TMEM232: variants seen among roughly 807,000 people sequenced by gnomAD.
The protein encoded by TMEM232 is transmembrane protein 232.
TMEM232 carries 80 observed loss-of-function variants against 78.8 expected under a neutral mutation model. The ratio of observed to expected loss-of-function variants is 1.01; its 90% CI spans 0.85 to 1.22. The LOEUF (loss-of-function observed/expected upper bound fraction) is 1.22, where lower values mean the gene tolerates loss of function less well. Among genes scored for constraint, TMEM232 ranks in the 50% most tolerant of loss-of-function variants. The probability of loss-of-function intolerance (pLI) is 0.00; values close to 1 mark genes in which losing one functional copy is unlikely to be tolerated. For missense variants in TMEM232, 881 were observed against 742.2 expected (o/e 1.19, Z -2.17); for synonymous variants, 297 against 254.3 (o/e 1.17, Z -1.60).
At chr5:110,499,636 C>CA (rs1491095123) in intron 12 of TMEM232, among the ~76,000 whole-genome samples, 1 of 126,762 alleles carries the variant, frequency 7.9e-6, no homozygotes. Context: ...CACCCCCCCC[C>CA]ACACACACAC....
chr5:110,641,216 A>G (rs555968188), intron 3 of TMEM232, among the ~76,000 whole-genome samples: 1 of 152,310 alleles, frequency 6.6e-6, no homozygotes, highest in South Asian at 2.1e-4. Flanking sequence ...TGATATTACA[A>G]GTAATATCAT....
intron 12 of TMEM232, among the ~76,000 whole-genome samples, chr5:110,490,482 C>G (rs1046613704): frequency 1.3e-5 from 2 of 152,094 alleles, no homozygotes; most frequent in Admixed American, 1.3e-4. Flanking sequence ...AAAACACAAG[C>G]CTTCCATTTT....
At chr5:110,644,839 G>T (rs758940894) in intron 2 of TMEM232, among the ~76,000 whole-genome samples, 1 of 150,914 alleles carries the variant, frequency 6.6e-6, no homozygotes, top group Non-Finnish European at 1.5e-5. Flanking sequence ...AAACAAAATT[G>T]AAAAACCATT....
chr5:110,398,414 C>T (rs981929229), intron 2 of TMEM232, among the ~76,000 whole-genome samples: 3 of 152,094 alleles, frequency 2.0e-5, no homozygotes, highest in African/African-American at 4.8e-5. Flanking sequence ...TTAAGTATCG[C>T]GTGCAGGTTC....
chr5:110,534,135 A>C (rs1771963305), intron 11 of TMEM232, among the ~76,000 whole-genome samples: 1 of 152,200 alleles, frequency 6.6e-6, no homozygotes, highest in African/African-American at 2.4e-5. Flanking sequence ...AGATAAGTAG[A>C]GGCCTTTCCC....
intron 2 of TMEM232, among the ~76,000 whole-genome samples, chr5:110,660,647 A>C (rs987768951): frequency 2.6e-5 from 4 of 152,192 alleles, no homozygotes; most frequent in African/African-American, 9.6e-5. Context: ...CTTTTTAAAA[A>C]ACAAGCATGC....
chr5:110,528,422 A>C (rs1180519092), intron 12 of TMEM232, among the ~76,000 whole-genome samples, 166 bp downstream of exon 12: 2 of 152,004 alleles, frequency 1.3e-5, no homozygotes, highest in Non-Finnish European at 2.9e-5. Context: ...GTTTCTGAGA[A>C]GGGAGGAACT....
chr5:110,432,741 C>A (rs972873802), intron 12 of TMEM232, among the ~76,000 whole-genome samples: 10 of 151,482 alleles, frequency 6.6e-5, no homozygotes, highest in Non-Finnish European at 1.2e-4. Flanking sequence ...AGAGACAAAC[C>A]CACCTCACAC....
chr5:110,603,053 A>T (rs139640694), intron 10 of TMEM232, among the ~76,000 whole-genome samples: 1 of 152,014 alleles, frequency 6.6e-6, no homozygotes, highest in Admixed American at 6.6e-5. Context: ...AGAAAACCAA[A>T]CATTGCATGT....
intron 12 of TMEM232, among the ~76,000 whole-genome samples, chr5:110,458,208 A>AC (rs1275022589): frequency 2.0e-5 from 3 of 149,112 alleles, no homozygotes; most frequent in Non-Finnish European, 4.5e-5. Flanking sequence ...TCTCTTCTCT[A>AC]CCCCTCACTT....
intron 1 of TMEM232, among the ~76,000 whole-genome samples, chr5:110,737,323 T>G (rs1799281412): frequency 6.6e-6 from 1 of 152,194 alleles, no homozygotes; most frequent in Non-Finnish European, 1.5e-5. Context: ...CTTATTTTTT[T>G]CCTATTATGA....
At chr5:110,430,699 A>G (rs1037223911) in intron 12 of TMEM232, among the ~76,000 whole-genome samples, 1 of 151,782 alleles carries the variant, frequency 6.6e-6, no homozygotes, top group Non-Finnish European at 1.5e-5. Flanking sequence ...CTAATTTATT[A>G]TAAACATTTG....
chr5:110,629,167 A>C lies in TMEM232; in HGVS notation c.502-1287T>G, dbSNP rs559781757. On this transcript the variant is annotated intron_variant, in intron 5 of 13. Transcript: ENST00000455884. ...ATTAAAGGAAACTACTCTCATAGAT[A>C]TAGACAATGAGTGAATAACTAATCA... 7.9e-5 allele frequency among the ~76,000 whole-genome samples: 12 copies of C among 152,220 alleles called. No individual in the cohort carries two copies. The South Asian group carries it at 1.2e-3, about 16-fold the overall frequency.
At chr5:110,728,530 C>G (rs976692440), upstream of TMEM232, among the ~76,000 whole-genome samples, 1 of 151,370 alleles carries the variant, frequency 6.6e-6, no homozygotes, top group Non-Finnish European at 1.5e-5. Context: ...ACCTTAGAGT[C>G]ACAATAATAT....
intron 1 of TMEM232, among the ~76,000 whole-genome samples, chr5:110,697,968 C>T (rs1436521106): frequency 6.6e-6 from 1 of 152,118 alleles, no homozygotes; most frequent in Non-Finnish European, 1.5e-5. Flanking sequence ...AATCATGCTG[C>T]TATAAAGACA....
intron 1 of TMEM232, among the ~76,000 whole-genome samples, chr5:110,675,134 C>G (rs1791863231): frequency 2.0e-5 from 3 of 152,130 alleles, no homozygotes; most frequent in Admixed American, 2.0e-4. Flanking sequence ...CAACCTCCAC[C>G]TCACAGGGTC....
At chr5:110,571,205 A>G (rs143351424) in intron 10 of TMEM232, among the ~76,000 whole-genome samples, 1 of 152,064 alleles carries the variant, frequency 6.6e-6, no homozygotes, top group Non-Finnish European at 1.5e-5. Context: ...AGAAGAGAGA[A>G]TATCTTTTAT....
chr5:110,525,731 T>A (rs149666866), intron 12 of TMEM232, among the ~76,000 whole-genome samples: 2 of 151,538 alleles, frequency 1.3e-5, no homozygotes, highest in South Asian at 2.1e-4. Flanking sequence ...TAGGAAAACA[T>A]TGAAAAGCAC....
intron 3 of TMEM232, among the ~76,000 whole-genome samples, chr5:110,395,574 A>G (rs1007692725): frequency 6.6e-6 from 1 of 152,190 alleles, no homozygotes; most frequent in Non-Finnish European, 1.5e-5. Context: ...TGGGTCCAAG[A>G]AAACTTACAA....
Sources: allele counts gnomAD v4.1 joint callset (sites outside exome capture counted in the v4.1 genomes callset), GRCh38; gene constraint gnomAD v4.1.1; transcripts MANE v1.5; gene names NCBI Gene and HGNC (gene_info 2026-07-23, HGNC 2026-07-21).